Variants in HIVEP3 observed in about 807,000 individuals in gnomAD.
The protein encoded by HIVEP3 is transcription factor HIVEP3.
In HIVEP3, 49 loss-of-function variants were observed where a neutral mutation model predicts 152.8. The observed-to-expected ratio is 0.32, with a 90% CI of 0.26 to 0.41. HIVEP3 has a LOEUF of 0.41. Among genes scored for constraint, HIVEP3 ranks in the 10% least tolerant of loss-of-function variants. HIVEP3 has a pLI of 1.00. For synonymous variants in HIVEP3, 1,269 were observed against 1,289.0 expected, an observed-to-expected ratio of 0.98 and a Z score of 0.33; for missense variants, 2,790 against 3,103.3, an observed-to-expected ratio of 0.90 and a Z score of 2.40.
chr1:41,953,617 C>T (rs1253926311), intron 1 of HIVEP3, among the ~76,000 whole-genome samples: 1 of 152,102 alleles, frequency 6.6e-6, no homozygotes, highest in Admixed American at 6.5e-5. Flanking sequence ...GGAGTAAGTG[C>T]TTTATAAATG....
chr1:41,939,147 TTC>T (rs1314419051), intron 1 of HIVEP3, among the ~76,000 whole-genome samples: 1 of 152,222 alleles, frequency 6.6e-6, no homozygotes, highest in Non-Finnish European at 1.5e-5. Flanking sequence ...AGAATGGCTC[TTC>T]TTTTTGTTTT....
At chr1:41,748,055 G>A (rs961028993) in intron 1 of HIVEP3, among the ~76,000 whole-genome samples, 2 of 152,160 alleles carry the variant, frequency 1.3e-5, no homozygotes, top group African/African-American at 4.8e-5. Flanking sequence ...GCAGGCACAT[G>A]GTTCATATAT....
intron 1 of HIVEP3, among the ~76,000 whole-genome samples, chr1:41,762,698 C>T (rs559757040): frequency 3.9e-5 from 6 of 152,360 alleles, no homozygotes; most frequent in South Asian, 2.1e-4. Flanking sequence ...CTCACACACC[C>T]ACTTCTGCCA....
intron 1 of HIVEP3, among the ~76,000 whole-genome samples, chr1:41,860,116 C>T (rs1233097473): frequency 6.6e-6 from 1 of 152,194 alleles, no homozygotes; most frequent in African/African-American, 2.4e-5. Context: ...AAGACCTCCA[C>T]CAGGATTTCC....
intron 1 of HIVEP3, among the ~76,000 whole-genome samples, chr1:41,798,176 T>C (rs1303311439): frequency 6.6e-6 from 1 of 151,502 alleles, no homozygotes; most frequent in Admixed American, 6.6e-5. Flanking sequence ...CATTAGGAGA[T>C]ATACCTAATG....
intron 3 of HIVEP3, among the ~76,000 whole-genome samples, chr1:41,603,642 G>A (rs756151059): frequency 1.1e-4 from 16 of 152,204 alleles, no homozygotes; most frequent in Non-Finnish European, 2.2e-4. Context: ...TTACAGGTGT[G>A]AGCCACTGTG....
intron 1 of HIVEP3, among the ~76,000 whole-genome samples, chr1:41,903,904 CTTT>C (rs377698322): frequency 5.0e-5 from 7 of 140,242 alleles, no homozygotes; most frequent in African/African-American, 7.9e-5. Flanking sequence ...CTTTTTTTTT[CTTT>C]TTTTTTTTTT....
intron 2 of HIVEP3, among the ~76,000 whole-genome samples, chr1:41,660,383 C>G (rs1645694953): frequency 6.6e-6 from 1 of 152,224 alleles, no homozygotes; most frequent in African/African-American, 2.4e-5. Context: ...TGCAAAGTGT[C>G]CATACAAAGC....
At chr1:41,663,534 C>T (rs958946197) in intron 2 of HIVEP3, among the ~76,000 whole-genome samples, 1 of 152,146 alleles carries the variant, frequency 6.6e-6, no homozygotes, top group South Asian at 2.1e-4. Flanking sequence ...GCCCAAAGGG[C>T]GGATTAGTGA....
At chr1:42,007,433 T>A (rs186671831) in intron 1 of HIVEP3, among the ~76,000 whole-genome samples, 1 of 152,332 alleles carries the variant, frequency 6.6e-6, no homozygotes, top group East Asian at 1.9e-4. Flanking sequence ...AACACCAGCT[T>A]TACCAAGCTT....
At chr1:41,821,070 G>A (rs914837972) in intron 1 of HIVEP3, among the ~76,000 whole-genome samples, 6 of 152,128 alleles carry the variant, frequency 3.9e-5, no homozygotes, top group Non-Finnish European at 8.8e-5. Flanking sequence ...CTGAGGGGCT[G>A]GAGCCCAGAG....
chr1:41,951,557 G>T (rs1645107434), intron 1 of HIVEP3, among the ~76,000 whole-genome samples: 1 of 152,170 alleles, frequency 6.6e-6, no homozygotes, highest in Non-Finnish European at 1.5e-5. Flanking sequence ...CACTTGGTGT[G>T]TGTATTAGTC....
At chr1:41,988,891 A>C (rs1203182100) in intron 1 of HIVEP3, among the ~76,000 whole-genome samples, 1 of 152,256 alleles carries the variant, frequency 6.6e-6, no homozygotes, top group Admixed American at 6.5e-5. Flanking sequence ...TGGCTTTTAA[A>C]AATAAGGAAA....
intron 1 of HIVEP3, among the ~76,000 whole-genome samples, chr1:41,946,957 T>C (rs2124488864): frequency 6.6e-6 from 1 of 152,276 alleles, no homozygotes; most frequent in South Asian, 2.1e-4. Flanking sequence ...AGGCCGTTGT[T>C]CCTCTATACC....
chr1:41,824,784 T>TATATATATAGAGAGAGAGAGAG (rs1553266584), intron 1 of HIVEP3, among the ~76,000 whole-genome samples: 1 of 11,390 alleles, frequency 8.8e-5, no homozygotes, highest in African/African-American at 3.2e-4. Context: ...TATATATATA[T>TATATATATAGAGAGAGAGAGAG]AGAGAGAGAG....
In HIVEP3 at chr1:41,510,923, G is replaced by A. The variant is rs572882687; in HGVS notation, c.6749C>T (p.Ser2250Leu). Reference sequence around the variant, plus strand: ...AGCCACAGGCGACACGGAGGCTGACGAGCTCTCAGTGGGACTCCAGCGGCC... The same window carrying A: ...AGCCACAGGCGACACGGAGGCTGACAAGCTCTCAGTGGGACTCCAGCGGCC... ...ERGRWSPTES[S>L]SASVSPVAKV... The change falls in exon 9 of 9, where the codon TCG becomes TTG. Residue 2250 changes from serine to leucine, a missense_variant. Physicochemically the swap from Ser to Leu is moderately radical, Grantham distance 145. This residue lies in a region of HIVEP3 where 816 missense variants were observed against 806.5 expected (regional missense o/e 1.01). Transcript: ENST00000372583. The A allele has an allele frequency of 1.3e-5, 21 of 1,613,562 alleles. No homozygotes were observed. The highest frequency in any genetic ancestry group is 3.3e-5 in the South Asian group (3 of 91,080).
intron 1 of HIVEP3, among the ~76,000 whole-genome samples, chr1:42,034,868 C>T (rs1410981223): frequency 6.6e-6 from 1 of 152,064 alleles, no homozygotes; most frequent in Non-Finnish European, 1.5e-5. Context: ...CCTCAATAAA[C>T]GGCACAATCA....
intron 1 of HIVEP3, among the ~76,000 whole-genome samples, chr1:41,711,833 G>A (rs1211265819): frequency 6.6e-6 from 1 of 152,144 alleles, no homozygotes; most frequent in Non-Finnish European, 1.5e-5. Flanking sequence ...ACAGGGTCCA[G>A]GCACCTGACT....
In HIVEP3 at chr1:41,662,772, G is replaced by A. The variant is rs1444671773; in HGVS notation, c.-720-33825C>T. Among the ~76,000 whole-genome samples the A allele has an allele frequency of 1.3e-5, 2 of 151,126 alleles. No individual in the cohort carries two copies. Among genetic ancestry groups the A allele is most frequent in the South Asian group, 2.1e-4 (1 of 4,798 alleles). On this transcript the variant is annotated intron_variant, in intron 2 of 8. Coordinates refer to ENST00000372583, the MANE Select transcript of HIVEP3 (RefSeq NM_024503.5). The surrounding 1 kb of genome is among the most constrained non-coding windows in gnomAD (Gnocchi z 7.2). Reference sequence around the variant, plus strand: ...TGGGCCCTCTAGGGAGGGCAGACAGGGAAGCCCCTGTCGCCGCCGCCGGGG... The same window carrying A: ...TGGGCCCTCTAGGGAGGGCAGACAGAGAAGCCCCTGTCGCCGCCGCCGGGG...
Sources: allele counts gnomAD v4.1 joint callset (sites outside exome capture counted in the v4.1 genomes callset), GRCh38; gene constraint gnomAD v4.1.1; regional missense constraint gnomAD v4.1.1; non-coding constraint Gnocchi (gnomAD v3.1); transcripts MANE v1.5; gene names NCBI Gene and HGNC (gene_info 2026-07-23, HGNC 2026-07-21).